Variants in SNX29 observed in about 807,000 individuals in gnomAD.
The protein encoded by SNX29 is sorting nexin 29.
Under a neutral mutation model 102.1 loss-of-function variants are expected in SNX29, and 78 were observed. The ratio of observed to expected loss-of-function variants is 0.76; its 90% CI spans 0.64 to 0.92. The LOEUF (loss-of-function observed/expected upper bound fraction) is 0.92. Ranked by LOEUF, SNX29 falls within the 40% of genes least tolerant of loss-of-function variation. The probability of loss-of-function intolerance (pLI) is 0.00; values close to 1 mark genes in which losing one functional copy is unlikely to be tolerated. For missense variants in SNX29, 1,280 were observed against 1,061.7 expected (o/e 1.21, Z -2.86); for synonymous variants, 580 against 414.5 (o/e 1.40, Z -4.85).
chr16:12,515,600 C>T (rs574394386), intron 19 of SNX29: 2 of 488,958 alleles, frequency 4.1e-6, no homozygotes, highest in African/African-American at 3.9e-5. Context: ...CAGGTGACCT[C>T]CGAAGTCACC....
chr16:12,268,390 T>C (rs1429661698), intron 14 of SNX29, among the ~76,000 whole-genome samples: 1 of 152,204 alleles, frequency 6.6e-6, no homozygotes, highest in African/African-American at 2.4e-5. Flanking sequence ...TGCTAAGCGG[T>C]AGAGCCAGAC....
At chr16:12,008,663 G>C (rs2056540125) in intron 3 of SNX29, among the ~76,000 whole-genome samples, 1 of 151,410 alleles carries the variant, frequency 6.6e-6, no homozygotes, top group African/African-American at 2.4e-5. Context: ...AGAGTGTGCA[G>C]ATATCAGGCT....
At chr16:12,110,857 T>A (rs2053474928) in intron 11 of SNX29, among the ~76,000 whole-genome samples, 1 of 151,984 alleles carries the variant, frequency 6.6e-6, no homozygotes, top group South Asian at 2.1e-4. Context: ...AGGGTCTTGC[T>A]CTGTTGCCCA....
chr16:12,506,323 G>A (rs2089377018), intron 19 of SNX29, among the ~76,000 whole-genome samples: 2 of 152,130 alleles, frequency 1.3e-5, no homozygotes, highest in South Asian at 4.2e-4. Flanking sequence ...AAAAAAAGCT[G>A]GGCTTGAATC....
intron 20 of SNX29, among the ~76,000 whole-genome samples, chr16:12,549,290 T>C (rs971918147): frequency 2.0e-5 from 3 of 152,068 alleles, no homozygotes; most frequent in East Asian, 1.9e-4. Context: ...GGGTCAGAAG[T>C]TGGAAACCAG....
At chr16:12,530,658 C>A (rs540891173) in intron 20 of SNX29, among the ~76,000 whole-genome samples, 4 of 152,034 alleles carry the variant, frequency 2.6e-5, no homozygotes, top group African/African-American at 9.7e-5. Flanking sequence ...TGGGTTCAAG[C>A]GATTCTCCTG....
At chr16:12,471,274 G>A (rs2087328067) in intron 18 of SNX29, among the ~76,000 whole-genome samples, 1 of 152,188 alleles carries the variant, frequency 6.6e-6, no homozygotes, top group Non-Finnish European at 1.5e-5. Flanking sequence ...GTGTGTGTCT[G>A]AGATAAATTT....
At position 12,270,599 on chromosome 16, in the gene SNX29, C is replaced by T. The variant is rs181714593; in HGVS notation, c.1679-7334C>T. Among the ~76,000 whole-genome samples the T allele has an allele frequency of 1.2e-4, 19 of 152,328 alleles. 1 individual carries two copies. The East Asian group carries it at 2.5e-3, about 20-fold the overall frequency. ...GTCTAACCTGTTCAGTCGATTCCCT[C>T]ACTTTGTAAATATTAATCCTTATGC... On this transcript the variant is annotated intron_variant, in intron 14 of 20. Transcript: ENST00000566228.
At chr16:12,002,891 G>T in intron 2 of SNX29, 100 bp from the exon 3 acceptor site, 1 of 1,347,188 alleles carries the variant, frequency 7.4e-7, no homozygotes, top group East Asian at 2.3e-5. Flanking sequence ...TTCTGGTCCC[G>T]TGTCCCCTCC....
intron 15 of SNX29, among the ~76,000 whole-genome samples, chr16:12,290,584 A>AT (rs1314816297): frequency 6.6e-6 from 1 of 152,084 alleles, no homozygotes; most frequent in East Asian, 1.9e-4. Flanking sequence ...TGATTTAATA[A>AT]TTTTTTTGGT....
intron 18 of SNX29, chr16:12,443,173 C>G: frequency 2.6e-6 from 1 of 377,456 alleles, no homozygotes. Flanking sequence ...CTCTGTCATG[C>G]TCCTTCCTAT....
At chr16:12,162,581 G>C (rs952888467) in intron 13 of SNX29, among the ~76,000 whole-genome samples, 2 of 152,156 alleles carry the variant, frequency 1.3e-5, no homozygotes, top group African/African-American at 4.8e-5. Flanking sequence ...AGAAATGTGT[G>C]GTAGGCACAT....
intron 19 of SNX29, among the ~76,000 whole-genome samples, chr16:12,487,431 T>C (rs1443670228): frequency 1.3e-5 from 2 of 152,144 alleles, no homozygotes; most frequent in Admixed American, 1.3e-4. Flanking sequence ...CTTATCAGGC[T>C]CCATATAAAG....
chr16:12,178,429 A>G (rs1350173872), intron 13 of SNX29, among the ~76,000 whole-genome samples: 1 of 152,048 alleles, frequency 6.6e-6, no homozygotes, highest in Non-Finnish European at 1.5e-5. Flanking sequence ...ATGGAATGCA[A>G]CCCTCAGTCA....
At chr16:11,983,267 G>T (rs8043644) in intron 1 of SNX29, among the ~76,000 whole-genome samples, 46,326 of 131,808 alleles carry the variant, frequency 0.35, 8,141 homozygotes, top group East Asian at 0.67. Context: ...TGTAGAGATT[G>T]GGTCTTACTA....
chr16:12,271,972 T>G (rs748916795), intron 14 of SNX29, among the ~76,000 whole-genome samples: 11 of 152,166 alleles, frequency 7.2e-5, no homozygotes, highest in Admixed American at 3.9e-4. Flanking sequence ...ATGATATAGT[T>G]AGGCTTAATT....
intron 1 of SNX29, among the ~76,000 whole-genome samples, chr16:11,984,116 G>A (rs2055501999): frequency 6.6e-6 from 1 of 152,146 alleles, no homozygotes; most frequent in Non-Finnish European, 1.5e-5. Flanking sequence ...ACTTTAGGAG[G>A]CTAAGGTGGG....
At chr16:12,525,679 A>G (rs996262742) in intron 20 of SNX29, among the ~76,000 whole-genome samples, 13 of 146,072 alleles carry the variant, frequency 8.9e-5, no homozygotes, top group African/African-American at 3.3e-4. Context: ...GTGACAGAGC[A>G]AGACTCCACG....
chr16:12,314,538 G>T (rs1286297420), intron 15 of SNX29, among the ~76,000 whole-genome samples: 2 of 152,246 alleles, frequency 1.3e-5, no homozygotes, highest in Non-Finnish European at 2.9e-5. Flanking sequence ...GTGGTTTGTT[G>T]TGAGGACTAA....
Sources: gnomAD v4.1 joint callset for allele counts (sites outside exome capture counted in the v4.1 genomes callset) on GRCh38, gnomAD v4.1.1 for gene constraint, MANE v1.5 for transcripts, NCBI Gene and HGNC (gene_info 2026-07-23, HGNC 2026-07-21) for gene names.